ST3GAL6: variants seen among roughly 807,000 people sequenced by gnomAD.
ST3GAL6 encodes the protein ST3 beta-galactoside alpha-2,3-sialyltransferase 6.
Under a neutral mutation model 40.5 loss-of-function variants are expected in ST3GAL6, and 31 were observed. The observed-to-expected ratio is 0.77, with a 90% CI of 0.58 to 1.03. The LOEUF is 1.03. ST3GAL6 is among the 50% of genes least tolerant of loss of function. The probability of loss-of-function intolerance (pLI) is 0.00; values close to 1 mark genes in which losing one functional copy is unlikely to be tolerated. For synonymous variants in ST3GAL6, 129 were observed against 136.9 expected, an observed-to-expected ratio of 0.94 and a Z score of 0.40; for missense variants, 357 against 393.2, an observed-to-expected ratio of 0.91 and a Z score of 0.78.
Position 98,793,976 on chromosome 3 carries a change from T to C in ST3GAL6, c.*215T>C. On this transcript the variant is annotated 3_prime_UTR_variant, in exon 10 of 10. Coordinates refer to ENST00000483910, the MANE Select transcript of ST3GAL6 (RefSeq NM_001323368.2). Reference sequence around the variant, plus strand: ...AAGATAACAGGAAAATAAGTTTTGATTGCATTGTTTTTAAAATAAGCTAGT... The same window carrying C: ...AAGATAACAGGAAAATAAGTTTTGACTGCATTGTTTTTAAAATAAGCTAGT... The C allele has an allele frequency of 2.7e-6, 1 of 366,398 alleles. No individual in the cohort carries two copies. The highest frequency in any genetic ancestry group is 8.9e-5 in the South Asian group (1 of 11,238). 22.7% of individuals were successfully genotyped at this position (366,398 alleles called of 1,614,324 possible).
intron 5 of ST3GAL6, among the ~76,000 whole-genome samples, chr3:98,780,861 G>A (rs937491325): frequency 6.6e-6 from 1 of 152,158 alleles, no homozygotes; most frequent in African/African-American, 2.4e-5. Context: ...GGAAACTTCT[G>A]TGAACACTAA....
At chr3:98,753,080 A>C (rs1937149390) in intron 1 of ST3GAL6, among the ~76,000 whole-genome samples, 1 of 152,260 alleles carries the variant, frequency 6.6e-6, no homozygotes. Flanking sequence ...TTGAAAGCCA[A>C]TACAGACCAG....
intron 5 of ST3GAL6, among the ~76,000 whole-genome samples, chr3:98,776,645 C>T (rs2107239196): frequency 6.6e-6 from 1 of 152,332 alleles, no homozygotes; most frequent in Admixed American, 6.5e-5. Flanking sequence ...TATATAATTG[C>T]TGGCCTTGCT....
intron 1 of ST3GAL6, among the ~76,000 whole-genome samples, chr3:98,743,908 C>A (rs910291339): frequency 2.0e-5 from 3 of 150,438 alleles, no homozygotes; most frequent in South Asian, 2.2e-4. Flanking sequence ...CCCTCCCCCC[C>A]CCGCTCCAAG....
At chr3:98,733,239 C>T (rs1037352579) in intron 1 of ST3GAL6, 2 of 975,232 alleles carry the variant, frequency 2.1e-6, no homozygotes, top group African/African-American at 3.5e-5. Context: ...CCGGCGTGCG[C>T]CGCAGCCACC....
In ST3GAL6 at chr3:98,784,933, T is replaced by C; in HGVS notation, c.336-12T>C. 2 of 1,605,912 alleles carry C rather than the reference T, an allele frequency of 1.2e-6. No individual in the cohort carries two copies. Among genetic ancestry groups the C allele is most frequent in the East Asian group, 2.2e-5 (1 of 44,796 alleles). ...GATGGCTCAATCTCTCACTTGTCCATCTGTCCAACAGCATACCCTGTAAAA... is the reference window on the plus strand; with the variant it reads ...GATGGCTCAATCTCTCACTTGTCCACCTGTCCAACAGCATACCCTGTAAAA... On this transcript the variant is annotated splice_polypyrimidine_tract_variant and intron_variant, in intron 5 of 9. Coordinates refer to ENST00000483910, the MANE Select transcript of ST3GAL6 (RefSeq NM_001323368.2).
chr3:98,768,937 C>T (rs969770435), intron 2 of ST3GAL6, among the ~76,000 whole-genome samples: 1 of 152,024 alleles, frequency 6.6e-6, no homozygotes, highest in Admixed American at 6.6e-5. Flanking sequence ...ATTTGGTGAA[C>T]GATGATATAT....
chr3:98,735,952 C>G (rs1231296700), intron 1 of ST3GAL6, among the ~76,000 whole-genome samples: 9 of 152,164 alleles, frequency 5.9e-5, no homozygotes, highest in Admixed American at 5.9e-4. Context: ...CAGACTTGGT[C>G]AGGAACTTGA....
intron 2 of ST3GAL6, among the ~76,000 whole-genome samples, chr3:98,769,151 CCTGT>C (rs1406654502): frequency 1.3e-5 from 2 of 152,176 alleles, no homozygotes; most frequent in African/African-American, 4.8e-5. Context: ...CACATAACTT[CCTGT>C]CTTAGACAAA....
intron 1 of ST3GAL6, among the ~76,000 whole-genome samples, chr3:98,766,772 A>G (rs1369521646): frequency 1.3e-5 from 2 of 152,198 alleles, no homozygotes; most frequent in African/African-American, 2.4e-5. Context: ...AGCATTTAAT[A>G]AGATGTTCCT....
At chr3:98,764,907 A>T (rs187902980) in intron 1 of ST3GAL6, among the ~76,000 whole-genome samples, 47 of 152,314 alleles carry the variant, frequency 3.1e-4, no homozygotes, top group Middle Eastern at 3.4e-3. Flanking sequence ...GGGTAAAAAA[A>T]AATAATACAA....
intron 1 of ST3GAL6, among the ~76,000 whole-genome samples, chr3:98,743,571 A>G (rs1381771482): frequency 7.2e-5 from 11 of 152,162 alleles, no homozygotes; most frequent in East Asian, 1.9e-4. Flanking sequence ...ATGGAAATAT[A>G]TCAGACATAC....
In ST3GAL6 at chr3:98,732,742, G is replaced by C. The variant is rs556156720; in HGVS notation, c.-12+210G>C. ...GGGGCTGGCGGGAGCCTGAGACTCCGGGCAGGGCTGCTCCCTCCTCTGCTC... is the reference window on the plus strand; with the variant it reads ...GGGGCTGGCGGGAGCCTGAGACTCCCGGCAGGGCTGCTCCCTCCTCTGCTC... On this transcript the variant is annotated intron_variant, in intron 1 of 9. Coordinates refer to the ST3GAL6 transcript ENST00000265261. 1,011 of 1,020,984 alleles carry C rather than the reference G, an allele frequency of 9.9e-4. 12 individuals carry two copies. The East Asian group carries it at 0.017, about 17-fold the overall frequency. The allele number at this position is 1,020,984 out of a possible 1,614,324, so 63.2% of individuals were successfully genotyped here.
chr3:98,757,610 C>A (rs1937514957), intron 1 of ST3GAL6, among the ~76,000 whole-genome samples: 1 of 152,134 alleles, frequency 6.6e-6, no homozygotes, highest in Non-Finnish European at 1.5e-5. Context: ...TTGTGATGCT[C>A]CTGGACTCTA....
intron 5 of ST3GAL6, among the ~76,000 whole-genome samples, chr3:98,776,313 T>G (rs901149150): frequency 6.6e-6 from 1 of 152,254 alleles, no homozygotes; most frequent in African/African-American, 2.4e-5. Flanking sequence ...ATGCTGCCTC[T>G]GAGTCAACTT....
intron 1 of ST3GAL6, among the ~76,000 whole-genome samples, chr3:98,745,013 CTT>C (rs71120600): frequency 6.8e-6 from 1 of 146,872 alleles, no homozygotes. Context: ...TGCCTTACAA[CTT>C]TTTTTTTTTT....
chr3:98,777,432 T>C (rs1320415953), intron 5 of ST3GAL6, among the ~76,000 whole-genome samples: 2 of 152,228 alleles, frequency 1.3e-5, no homozygotes, highest in African/African-American at 4.8e-5. Flanking sequence ...AACTGATTGT[T>C]AAACATTGAC....
intron 6 of ST3GAL6, 115 bp downstream of exon 6, chr3:98,785,155 T>A (rs1424073526): frequency 8.9e-6 from 6 of 671,106 alleles, no homozygotes; most frequent in East Asian, 2.9e-5. Flanking sequence ...GTTTTTTTTT[T>A]ATTGCACAAC....
intron 1 of ST3GAL6, among the ~76,000 whole-genome samples, chr3:98,743,908 C>G (rs910291339): frequency 6.0e-5 from 9 of 150,438 alleles, no homozygotes; most frequent in African/African-American, 1.5e-4. Flanking sequence ...CCCTCCCCCC[C>G]CCGCTCCAAG....
Sources: gnomAD v4.1 joint callset for allele counts (sites outside exome capture counted in the v4.1 genomes callset) on GRCh38, gnomAD v4.1.1 for gene constraint, MANE v1.5 for transcripts, NCBI Gene and HGNC (gene_info 2026-07-23, HGNC 2026-07-21) for gene names.